The following NELL1 variants were observed in gnomAD, a reference collection of about 807,000 sequenced individuals.
NELL1 encodes the protein neural EGFL like 1.
A neutral mutation model predicts 107.4 loss-of-function variants in NELL1; 76 were observed. That is an observed-to-expected ratio of 0.71 (90% CI 0.59 to 0.86). The LOEUF is 0.86. NELL1 is among the 40% of genes least tolerant of loss of function. The pLI, the probability that NELL1 is intolerant of heterozygous loss-of-function variation, is 0.00. For synonymous variants in NELL1, 353 were observed against 341.2 expected (o/e 1.03, Z -0.38); for missense variants, 1,024 against 1,005.5 (o/e 1.02, Z -0.25).
At chr11:21,192,423 G>T (rs1270550198) in intron 13 of NELL1, among the ~76,000 whole-genome samples, 1 of 151,744 alleles carries the variant, frequency 6.6e-6, no homozygotes, top group Non-Finnish European at 1.5e-5. Context: ...AGTAAATTCA[G>T]GCAGATAAAA....
intron 13 of NELL1, among the ~76,000 whole-genome samples, chr11:21,129,035 A>G (rs766743010): frequency 6.6e-6 from 1 of 152,214 alleles, no homozygotes; most frequent in Non-Finnish European, 1.5e-5. Flanking sequence ...CTACTTGGAC[A>G]AGATTTATTT....
At chr11:21,257,241 G>C (rs761178860) in intron 14 of NELL1, among the ~76,000 whole-genome samples, 58 of 152,110 alleles carry the variant, frequency 3.8e-4, no homozygotes, top group Non-Finnish European at 4.6e-4. Flanking sequence ...CAGTTTCAAA[G>C]TGAGATGCCA....
intron 9 of NELL1, among the ~76,000 whole-genome samples, chr11:20,934,747 T>C (rs184707065): frequency 3.9e-5 from 6 of 152,260 alleles, no homozygotes; most frequent in Admixed American, 3.3e-4. Context: ...CATTTGGGAG[T>C]GTGGGAATTT....
At chr11:21,489,514 C>T (rs1345703836) in intron 15 of NELL1, among the ~76,000 whole-genome samples, 2 of 151,424 alleles carry the variant, frequency 1.3e-5, no homozygotes, top group African/African-American at 4.8e-5. Flanking sequence ...AGGCCAATAT[C>T]CCTGATGAAA....
At chr11:20,763,328 G>A (rs1856462979) in intron 2 of NELL1, among the ~76,000 whole-genome samples, 2 of 152,248 alleles carry the variant, frequency 1.3e-5, no homozygotes, top group African/African-American at 2.4e-5. Flanking sequence ...TGGCACTCAG[G>A]CATGGAGGAA....
intron 15 of NELL1, among the ~76,000 whole-genome samples, chr11:21,420,116 G>A (rs145777003): frequency 1.3e-5 from 2 of 152,146 alleles, no homozygotes; most frequent in East Asian, 3.9e-4. Flanking sequence ...GTCCATTCAA[G>A]TGCATGTTGA....
At position 21,152,269 on chromosome 11, in the gene NELL1, A is replaced by G. The variant is rs142411146; in HGVS notation, c.1426+38555A>G. Among the ~76,000 whole-genome samples, 40 of 152,198 alleles carry G rather than the reference A, an allele frequency of 2.6e-4. No individual in the cohort carries two copies. The East Asian group carries it at 6.4e-3, about 24-fold the overall frequency. ...TGTGAAAAGTGTGTACTTTTAATCT[A>G]TTTCCTGATCCCAATTCTCTCCTCG... is the stretch of plus-strand genomic sequence containing the variant. On this transcript the variant is annotated intron_variant, in intron 13 of 19. Coordinates refer to ENST00000357134, the MANE Select transcript of NELL1 (RefSeq NM_006157.5).
At chr11:20,931,647 T>A (rs1178086218) in intron 9 of NELL1, among the ~76,000 whole-genome samples, 1 of 152,338 alleles carries the variant, frequency 6.6e-6, no homozygotes, top group East Asian at 1.9e-4. Flanking sequence ...TCTTGTTTTT[T>A]AATCCAGTCT....
chr11:21,056,132 G>T (rs1471501073), intron 12 of NELL1, among the ~76,000 whole-genome samples: 1 of 152,106 alleles, frequency 6.6e-6, no homozygotes, highest in East Asian at 1.9e-4. Flanking sequence ...CCAGTAATTT[G>T]CCCAGATCAC....
intron 15 of NELL1, among the ~76,000 whole-genome samples, chr11:21,467,984 A>G (rs1854074266): frequency 6.6e-6 from 1 of 151,878 alleles, no homozygotes; most frequent in Non-Finnish European, 1.5e-5. Flanking sequence ...ATATATCTGA[A>G]CCCCCTCAGT....
chr11:21,064,790 TCTC>T (rs1853829355), intron 12 of NELL1, among the ~76,000 whole-genome samples: 1 of 152,124 alleles, frequency 6.6e-6, no homozygotes, highest in South Asian at 2.1e-4. Flanking sequence ...CACACCCACA[TCTC>T]CTATTAAATA....
At chr11:20,841,186 T>A (rs1417582539) in intron 3 of NELL1, among the ~76,000 whole-genome samples, 1 of 152,180 alleles carries the variant, frequency 6.6e-6, no homozygotes, top group Non-Finnish European at 1.5e-5. Context: ...AGACCCAGAC[T>A]TTTTCCACCA....
chr11:21,485,549 A>C (rs1854604254), intron 15 of NELL1, among the ~76,000 whole-genome samples: 1 of 151,726 alleles, frequency 6.6e-6, no homozygotes, highest in African/African-American at 2.4e-5. Context: ...GTACATTCCA[A>C]GTACAAATAC....
At chr11:20,860,181 AAAAG>A (rs1324609705) in intron 4 of NELL1, among the ~76,000 whole-genome samples, 2 of 152,198 alleles carry the variant, frequency 1.3e-5, no homozygotes, top group African/African-American at 4.8e-5. Flanking sequence ...TTTTCAGGCT[AAAAG>A]AAAGGGGCCT....
intron 12 of NELL1, among the ~76,000 whole-genome samples, chr11:21,044,691 C>A (rs1434615701): frequency 6.6e-6 from 1 of 151,972 alleles, no homozygotes; most frequent in Non-Finnish European, 1.5e-5. Flanking sequence ...ATGGACATGC[C>A]TTTTTTTCTT....
rs1016394535 is a variant in NELL1 at position 21,318,653 on chromosome 11, A to G, written c.1550-52200A>G. Among the ~76,000 whole-genome samples, 3 of 151,080 alleles carry G rather than the reference A, an allele frequency of 2.0e-5. 1 individual carries two copies. Among genetic ancestry groups the G allele is most frequent in the African/African-American group, 7.4e-5 (3 of 40,398 alleles). On this transcript the variant is annotated intron_variant, in intron 14 of 19. Transcript: ENST00000357134. ...CACTAGTGTGCAAACTCCAGAGCAG[A>G]ATGCTTGTAATATATCTTAGCCTTC...
chr11:20,835,630 A>G (rs1326143011), intron 3 of NELL1, among the ~76,000 whole-genome samples: 2 of 152,222 alleles, frequency 1.3e-5, no homozygotes, highest in African/African-American at 4.8e-5. Context: ...GTGGGACAAA[A>G]TAGTATGTTT....
chr11:21,060,081 G>A (rs747201706), intron 12 of NELL1, among the ~76,000 whole-genome samples: 7 of 152,112 alleles, frequency 4.6e-5, no homozygotes, highest in Non-Finnish European at 1.0e-4. Flanking sequence ...TAGGTAAATA[G>A]GACCTTGGTG....
chr11:21,144,948 G>A (rs1855945058), intron 13 of NELL1, among the ~76,000 whole-genome samples: 1 of 152,130 alleles, frequency 6.6e-6, no homozygotes, highest in Admixed American at 6.5e-5. Context: ...ATATTGGCAT[G>A]TACCTTGGGG....
Sources: gnomAD v4.1 joint callset for allele counts (sites outside exome capture counted in the v4.1 genomes callset) on GRCh38, gnomAD v4.1.1 for gene constraint, MANE v1.5 for transcripts, NCBI Gene and HGNC (gene_info 2026-07-23, HGNC 2026-07-21) for gene names.